CYP4F22: variants seen among roughly 807,000 people sequenced by gnomAD.
The protein encoded by CYP4F22 is ultra-long-chain fatty acid omega-hydroxylase.
In CYP4F22, 37 loss-of-function variants were observed where a neutral mutation model predicts 60.4. The observed-to-expected ratio is 0.61, with a 90% CI of 0.47 to 0.81. CYP4F22 has a LOEUF of 0.81. CYP4F22 is among the 30% of genes least tolerant of loss of function. The pLI, the probability that CYP4F22 is intolerant of heterozygous loss-of-function variation, is 0.00. For synonymous variants in CYP4F22, 258 were observed against 280.5 expected (o/e 0.92, Z 0.80); for missense variants, 655 against 715.0 (o/e 0.92, Z 0.96).
chr19:15,522,867 C>T (rs924303325), intron 1 of CYP4F22, among the ~76,000 whole-genome samples: 6 of 151,868 alleles, frequency 4.0e-5, no homozygotes, highest in East Asian at 2.0e-4. Context: ...CACGCCACCA[C>T]GCCCGGCTGA....
rs141496343 is a variant in CYP4F22 at position 15,512,829 on chromosome 19, T to C, written c.-109+4246T>C. 7.7e-3 allele frequency among the ~76,000 whole-genome samples: 1,166 copies of C among 152,312 alleles called. 15 individuals are homozygous for C. Among genetic ancestry groups the C allele is most frequent in the African/African-American group, 0.026 (1,069 of 41,558 alleles). On this transcript the variant is annotated intron_variant, in intron 1 of 13. Coordinates refer to ENST00000269703, the MANE Select transcript of CYP4F22 (RefSeq NM_173483.4). ...GCAGTAAACTAATGAATTTTTATAA[T>C]TGATTCAATTTTTTTTGAATGGGTG...
intron 8 of CYP4F22, 57 bp from the exon 9 acceptor site, chr19:15,543,914 C>T: frequency 6.3e-7 from 1 of 1,596,410 alleles, no homozygotes; most frequent in Non-Finnish European, 8.6e-7. Context: ...TTGAGGAGCC[C>T]CTAGGATGCG....
chr19:15,525,008 G>T (rs1033063388), intron 2 of CYP4F22, among the ~76,000 whole-genome samples: 5 of 152,164 alleles, frequency 3.3e-5, no homozygotes, highest in African/African-American at 1.2e-4. Context: ...CCACCAATGA[G>T]CCTCAGTCAT....
intron 1 of CYP4F22, among the ~76,000 whole-genome samples, chr19:15,521,887 G>A (rs1389786942): frequency 6.6e-6 from 1 of 152,114 alleles, no homozygotes; most frequent in Non-Finnish European, 1.5e-5. Flanking sequence ...GCTCACGCCT[G>A]TAATCCTAGC....
In CYP4F22 at chr19:15,548,000, AGAGT is replaced by A. The variant is rs1568364013; in HGVS notation, c.1137-106_1137-103del. The A allele has an allele frequency of 2.1e-3, 624 of 293,874 alleles. 29 individuals are homozygous for A. Among genetic ancestry groups the A allele is most frequent in the East Asian group, 9.1e-3 (88 of 9,708 alleles). The allele number at this position is 293,874 out of a possible 1,614,324, so 18.2% of individuals were successfully genotyped here. A position where few individuals can be genotyped will look rare whatever the true frequency, so the allele number is the denominator to read the frequency against. On this transcript the variant is annotated intron_variant, in intron 10 of 13. Transcript: ENST00000269703. The stretch of plus-strand genomic sequence containing the variant: ...GAGAGAGAGAGAGAGAGAGAGGGAG[AGAGT>A]GTGTGTGTGTGTGTGTGTGTGTGTG...
At position 15,542,397 on chromosome 19, in the gene CYP4F22, C is replaced by T. The variant is rs188034390; in HGVS notation, c.940-1574C>T. On this transcript the variant is annotated intron_variant, in intron 8 of 13. Transcript: ENST00000269703. The stretch of plus-strand genomic sequence containing the variant: ...AAATAAAAAAAAAATATTAGCCGGG[C>T]GTGGTGGCATGCATCTGTAATCCCA... 4.9e-3 allele frequency among the ~76,000 whole-genome samples: 750 copies of T among 151,690 alleles called. 4 individuals are homozygous for T. The highest frequency in any genetic ancestry group is 0.014 in the Middle Eastern group (4 of 294).
Position 15,551,881 on chromosome 19 carries a change from C to CCACCA in CYP4F22, c.*415_*419dup. 1 of 195,234 alleles carries CCACCA rather than the reference C, an allele frequency of 5.1e-6. No homozygotes were observed. 12.1% of individuals were successfully genotyped at this position (195,234 alleles called of 1,614,324 possible). A position where few individuals can be genotyped will look rare whatever the true frequency, so the allele number is the denominator to read the frequency against. On this transcript the variant is annotated 3_prime_UTR_variant, in exon 14 of 14. Transcript: ENST00000269703. ...CTAAGACCCACCTATGACTCAGGGC[C>CCACCA]CACCACACCCCACCCCCCCCCAACT...
At chr19:15,538,357 T>C (rs1341744238) in intron 7 of CYP4F22, among the ~76,000 whole-genome samples, 11 of 152,096 alleles carry the variant, frequency 7.2e-5, no homozygotes, top group Admixed American at 7.2e-4. Flanking sequence ...TCCTTGTTTG[T>C]AAAAAAAGGA....
chr19:15,534,109 A>G (rs1318123313), intron 4 of CYP4F22, among the ~76,000 whole-genome samples: 1 of 152,244 alleles, frequency 6.6e-6, no homozygotes, highest in Non-Finnish European at 1.5e-5. Flanking sequence ...ATGCCAATAA[A>G]TAATCATTTT....
intron 1 of CYP4F22, among the ~76,000 whole-genome samples, chr19:15,509,485 G>C (rs1172930815): frequency 6.6e-6 from 1 of 152,094 alleles, no homozygotes; most frequent in East Asian, 1.9e-4. Flanking sequence ...AGGTCCTGGA[G>C]CTGTGCCCAG....
chr19:15,541,977 A>T (rs1971468433), intron 8 of CYP4F22, among the ~76,000 whole-genome samples: 1 of 152,042 alleles, frequency 6.6e-6, no homozygotes, highest in East Asian at 1.9e-4. Flanking sequence ...GGATTCAAAT[A>T]GTCCTGGATT....
chr19:15,519,870 G>T (rs1971200783), intron 1 of CYP4F22, among the ~76,000 whole-genome samples: 1 of 152,088 alleles, frequency 6.6e-6, no homozygotes, highest in Non-Finnish European at 1.5e-5. Flanking sequence ...CAGACGAAAA[G>T]GTCACACTGG....
At chr19:15,542,769 T>C (rs1413588904) in intron 8 of CYP4F22, among the ~76,000 whole-genome samples, 3 of 152,102 alleles carry the variant, frequency 2.0e-5, no homozygotes, top group Non-Finnish European at 1.5e-5. Context: ...GTGTTTTCAT[T>C]GTTCAGCTCC....
chr19:15,511,264 G>T (rs1971088858), intron 1 of CYP4F22, among the ~76,000 whole-genome samples: 1 of 151,356 alleles, frequency 6.6e-6, no homozygotes, highest in Non-Finnish European at 1.5e-5. Context: ...GAGCCACCGC[G>T]CCCAGCACTA....
At chr19:15,546,019 G>A (rs1457596477) in intron 10 of CYP4F22, among the ~76,000 whole-genome samples, 1 of 152,128 alleles carries the variant, frequency 6.6e-6, no homozygotes, top group Non-Finnish European at 1.5e-5. Context: ...TTAAGACACA[G>A]GCTGGAGTGC....
intron 4 of CYP4F22, among the ~76,000 whole-genome samples, chr19:15,536,352 CA>C (rs1971394362): frequency 6.6e-6 from 1 of 152,024 alleles, no homozygotes; most frequent in South Asian, 2.1e-4. Context: ...AAACAAAAAA[CA>C]AAAAGTTATG....
Position 15,550,322 on chromosome 19 carries a change from C to CA in CYP4F22, c.1336-343dup, listed in dbSNP as rs201160347. Among the ~76,000 whole-genome samples the CA allele has an allele frequency of 8.4e-3, 1,271 of 150,436 alleles. 18 individuals carry two copies. The highest frequency in any genetic ancestry group is 0.029 in the African/African-American group (1,187 of 40,992). On this transcript the variant is annotated intron_variant, in intron 12 of 13. Transcript: ENST00000269703. ...AAACAAACAAAGACAGACAAACAAA[C>CA]AAAAAAAAAGAAAAACAGGTGGAGG... is the stretch of plus-strand genomic sequence containing the variant.
rs1486086612 is a variant in CYP4F22 at position 15,551,714 on chromosome 19, A to G, written c.*243A>G. 8 of 592,648 alleles carry G rather than the reference A, an allele frequency of 1.3e-5. No individual in the cohort carries two copies. In the East Asian group the frequency reaches 1.4e-4, roughly 10 times the overall value. The allele number at this position is 592,648 out of a possible 1,614,324, so 36.7% of individuals were successfully genotyped here. ...TAGGTCCCGCCCCCTGACTTCTCGC[A>G]CCTGTCCTGTTTGAGGGACCAGGGT... On this transcript the variant is annotated 3_prime_UTR_variant, in exon 14 of 14. Coordinates refer to ENST00000269703, the MANE Select transcript of CYP4F22 (RefSeq NM_173483.4).
rs1267402555 is a variant in CYP4F22, at chr19:15,548,998, T to G, written c.1271-140T>G. On this transcript the variant is annotated intron_variant, in intron 11 of 13. Coordinates refer to ENST00000269703, the MANE Select transcript of CYP4F22 (RefSeq NM_173483.4). ...GGGAAGAGTGGATGGGGCAGCAGAA[T>G]TTTTTAGAGAAGGATGGACAGAAGG... 4.4e-6 allele frequency: 4 copies of G among 906,714 alleles called. No homozygotes were observed. The East Asian group carries it at 1.1e-4, about 24-fold the overall frequency. 56.2% of individuals were successfully genotyped at this position (906,714 alleles called of 1,614,324 possible). A position where few individuals can be genotyped will look rare whatever the true frequency, so the allele number is the denominator to read the frequency against.
Sources: gnomAD v4.1 joint callset for allele counts (sites outside exome capture counted in the v4.1 genomes callset) on GRCh38, gnomAD v4.1.1 for gene constraint, MANE v1.5 for transcripts, NCBI Gene and HGNC (gene_info 2026-07-23, HGNC 2026-07-21) for gene names.